Variants in TMEFF2 observed in about 807,000 individuals in gnomAD.
TMEFF2 encodes the protein tomoregulin-2.
In TMEFF2, 28 loss-of-function variants were observed where a neutral mutation model predicts 53.8. The observed-to-expected ratio is 0.52, with a 90% CI of 0.39 to 0.71. The LOEUF (loss-of-function observed/expected upper bound fraction) is 0.71. Ranked by LOEUF, TMEFF2 falls within the 30% of genes least tolerant of loss-of-function variation. The probability of loss-of-function intolerance (pLI) is 0.00; values close to 1 mark genes in which losing one functional copy is unlikely to be tolerated. For synonymous variants in TMEFF2, 162 were observed against 166.3 expected, an observed-to-expected ratio of 0.97 and a Z score of 0.20; for missense variants, 353 against 455.2, an observed-to-expected ratio of 0.78 and a Z score of 2.04.
At chr2:192,104,894 C>T (rs1689109703) in intron 4 of TMEFF2, among the ~76,000 whole-genome samples, 1 of 151,908 alleles carries the variant, frequency 6.6e-6, no homozygotes, top group Non-Finnish European at 1.5e-5. Context: ...GAAATCAGTT[C>T]TTTTCTTTTT....
chr2:192,194,502 C>T lies in TMEFF2; in HGVS notation c.23G>A (p.Arg8Gln). 6.2e-7 allele frequency: 1 copy of T among 1,613,602 alleles called. No individual in the cohort carries two copies. Among genetic ancestry groups the T allele is most frequent in the Non-Finnish European group, 8.5e-7 (1 of 1,179,986 alleles). Residue 8 changes from arginine to glutamine, a missense_variant, in exon 1 of 10, where the codon CGG (arginine) becomes CAG (glutamine). Arg to Gln is a conservative substitution (Grantham distance 43). This residue lies in a region of TMEFF2 where 54 missense variants were observed against 41.8 expected (regional missense o/e 1.29). Coordinates refer to ENST00000272771, the MANE Select transcript of TMEFF2 (RefSeq NM_016192.4). This position sits in a 1 kb window ranked among gnomAD's most constrained non-coding sequence, Gnocchi z 4.2. Reference sequence around the variant, plus strand: ...GCAAAGTGTCCAGCTGCTGCACTGCCGCGGGGACTCCCACAGCACCATGAC... The same window carrying T: ...GCAAAGTGTCCAGCTGCTGCACTGCTGCGGGGACTCCCACAGCACCATGAC... MVLWESP[R>Q]QCSSWTLCEG...
chr2:192,164,553 C>G (rs544145250), intron 4 of TMEFF2, among the ~76,000 whole-genome samples: 1 of 151,970 alleles, frequency 6.6e-6, no homozygotes, highest in African/African-American at 2.4e-5. Flanking sequence ...CATAGTGAAA[C>G]CCCGTCTCTA....
intron 4 of TMEFF2, among the ~76,000 whole-genome samples, chr2:192,143,275 C>T (rs924612088): frequency 6.6e-6 from 1 of 152,036 alleles, no homozygotes; most frequent in African/African-American, 2.4e-5. Flanking sequence ...AGCAGCAGAA[C>T]TGGGCATTTG....
intron 4 of TMEFF2, among the ~76,000 whole-genome samples, chr2:192,167,860 T>C (rs1037196208): frequency 2.6e-4 from 39 of 152,186 alleles, no homozygotes; most frequent in African/African-American, 9.4e-4. Flanking sequence ...TACTGGGAAG[T>C]AGAAGAGTGG....
intron 1 of TMEFF2, among the ~76,000 whole-genome samples, chr2:192,193,324 A>T (rs1056107838): frequency 1.3e-5 from 2 of 152,236 alleles, no homozygotes; most frequent in Non-Finnish European, 2.9e-5. Flanking sequence ...AAATTACACC[A>T]CAATTCTGCC....
intron 8 of TMEFF2, 47 bp from the exon 9 acceptor site, chr2:191,953,884 T>C (rs763455201): frequency 5.5e-6 from 1 of 183,148 alleles, no homozygotes; most frequent in Non-Finnish European, 8.1e-6. Context: ...GCTGCATTCA[T>C]TTTTTTTTTT....
intron 4 of TMEFF2, among the ~76,000 whole-genome samples, chr2:192,140,215 T>C (rs2105988848): frequency 6.6e-6 from 1 of 152,318 alleles, no homozygotes; most frequent in East Asian, 1.9e-4. Context: ...TTATACACAT[T>C]GAGGACAGAA....
At chr2:192,057,056 A>C (rs947296692) in intron 5 of TMEFF2, among the ~76,000 whole-genome samples, 4 of 152,108 alleles carry the variant, frequency 2.6e-5, no homozygotes, top group Non-Finnish European at 5.9e-5. Context: ...GCCTTTTAAA[A>C]ATCTTGAGAT....
chr2:192,193,751 GAT>G (rs1173523845), intron 1 of TMEFF2, among the ~76,000 whole-genome samples: 320 of 27,112 alleles, frequency 0.012, 7 homozygotes, highest in African/African-American at 0.021. Flanking sequence ...GAGAGAGAGA[GAT>G]AGATAGATAG....
At chr2:191,978,699 C>T (rs1685786842) in intron 7 of TMEFF2, among the ~76,000 whole-genome samples, 1 of 152,144 alleles carries the variant, frequency 6.6e-6, no homozygotes, top group Admixed American at 6.5e-5. Flanking sequence ...TGCTTTTTAG[C>T]ACCTAAAATG....
chr2:192,119,458 A>G (rs1689495788), intron 4 of TMEFF2, among the ~76,000 whole-genome samples: 1 of 152,206 alleles, frequency 6.6e-6, no homozygotes, highest in South Asian at 2.1e-4. Context: ...TTAGTTGAGT[A>G]TATTTGTCAC....
chr2:192,109,819 T>C (rs1689235052), intron 4 of TMEFF2, among the ~76,000 whole-genome samples: 1 of 152,126 alleles, frequency 6.6e-6, no homozygotes, highest in East Asian at 1.9e-4. Context: ...GTAGGTTCTT[T>C]TAAAGCATTT....
At chr2:192,161,971 C>A (rs1574425370) in intron 4 of TMEFF2, among the ~76,000 whole-genome samples, 1 of 152,096 alleles carries the variant, frequency 6.6e-6, no homozygotes, top group Non-Finnish European at 1.5e-5. Flanking sequence ...TTACAGAGAG[C>A]GTTTTGAAGG....
chr2:192,151,580 C>G (rs1690390035), intron 4 of TMEFF2, among the ~76,000 whole-genome samples: 1 of 151,828 alleles, frequency 6.6e-6, no homozygotes, highest in African/African-American at 2.4e-5. Flanking sequence ...CAGTGACTAT[C>G]AAGAGCGTGA....
chr2:191,959,071 AG>A (rs1692190660), intron 7 of TMEFF2, among the ~76,000 whole-genome samples: 1 of 152,242 alleles, frequency 6.6e-6, no homozygotes, highest in South Asian at 2.1e-4. Flanking sequence ...GCAATAACAA[AG>A]CATTAAAACA....
chr2:192,141,347 A>G (rs1055663840), intron 4 of TMEFF2, among the ~76,000 whole-genome samples: 1 of 151,458 alleles, frequency 6.6e-6, no homozygotes, highest in Non-Finnish European at 1.5e-5. Flanking sequence ...CAGTTACTCC[A>G]GAGGCTGAAG....
intron 3 of TMEFF2, among the ~76,000 whole-genome samples, chr2:192,182,660 T>C (rs1236854409): frequency 6.6e-6 from 1 of 151,938 alleles, no homozygotes; most frequent in Non-Finnish European, 1.5e-5. Context: ...TAACTTCTGG[T>C]CTGTTTATTA....
chr2:191,968,882 A>G (rs1043701904), intron 7 of TMEFF2, among the ~76,000 whole-genome samples: 10 of 152,098 alleles, frequency 6.6e-5, no homozygotes. Context: ...ATCACCATAC[A>G]TACAGAAAAA....
chr2:192,151,203 G>A (rs1421876425), intron 4 of TMEFF2, among the ~76,000 whole-genome samples: 1 of 151,814 alleles, frequency 6.6e-6, no homozygotes, highest in East Asian at 1.9e-4. Flanking sequence ...CAGCCATGAG[G>A]AACTGTGAGT....
Sources: allele counts gnomAD v4.1 joint callset (sites outside exome capture counted in the v4.1 genomes callset), GRCh38; gene constraint gnomAD v4.1.1; regional missense constraint gnomAD v4.1.1; non-coding constraint Gnocchi (gnomAD v3.1); transcripts MANE v1.5; gene names NCBI Gene and HGNC (gene_info 2026-07-23, HGNC 2026-07-21).